SYN3: variants seen among roughly 807,000 people sequenced by gnomAD.
The protein encoded by SYN3 is synapsin-3.
Under a neutral mutation model 65.8 loss-of-function variants are expected in SYN3, and 35 were observed. The ratio of observed to expected loss-of-function variants is 0.53; its 90% confidence interval spans 0.41 to 0.70. The LOEUF is 0.70. Ranked by LOEUF, SYN3 falls within the 30% of genes least tolerant of loss-of-function variation. The pLI is 0.00. For synonymous variants in SYN3, 270 were observed against 292.9 expected (o/e 0.92, Z 0.80); for missense variants, 680 against 749.0 (o/e 0.91, Z 1.08).
At chr22:32,754,979 TC>T (rs1359796672) in intron 6 of SYN3, among the ~76,000 whole-genome samples, 1 of 152,032 alleles carries the variant, frequency 6.6e-6, no homozygotes, top group African/African-American at 2.4e-5. Context: ...TAACCTCTGC[TC>T]CCCCTGCAAG....
chr22:32,842,931 A>G (rs1253316818), intron 6 of SYN3, among the ~76,000 whole-genome samples: 1 of 152,176 alleles, frequency 6.6e-6, no homozygotes, highest in Non-Finnish European at 1.5e-5. Flanking sequence ...CTGGGAGCTT[A>G]TCAAGGGTCC....
intron 2 of SYN3, among the ~76,000 whole-genome samples, chr22:33,005,251 C>T (rs898318389): frequency 9.9e-5 from 15 of 152,156 alleles, no homozygotes; most frequent in Non-Finnish European, 1.6e-4. Flanking sequence ...CATGCACATG[C>T]GACCCTGTTC....
intron 6 of SYN3, among the ~76,000 whole-genome samples, chr22:32,618,050 T>C (rs1042569914): frequency 1.3e-5 from 2 of 152,114 alleles, no homozygotes; most frequent in Admixed American, 6.5e-5. Flanking sequence ...ATCACGCCTA[T>C]CTCAGTCCCT....
chr22:32,905,408 A>G (rs190468601), intron 4 of SYN3, among the ~76,000 whole-genome samples: 29 of 152,338 alleles, frequency 1.9e-4, no homozygotes, highest in African/African-American at 7.0e-4. Flanking sequence ...TAAGGCAAAG[A>G]GTCTGCATGG....
chr22:32,754,783 C>A (rs5998617), intron 6 of SYN3, among the ~76,000 whole-genome samples: 47,028 of 152,136 alleles, frequency 0.31, 8,055 homozygotes, highest in East Asian at 0.52. Context: ...GTAACATTGG[C>A]CAAACCCTTG....
At chr22:32,650,454 C>A (rs142914342) in intron 6 of SYN3, among the ~76,000 whole-genome samples, 2 of 151,962 alleles carry the variant, frequency 1.3e-5, no homozygotes, top group African/African-American at 4.8e-5. Flanking sequence ...TTTGTGGAGA[C>A]GGAGTTTCAC....
chr22:32,882,784 A>G (rs1003964790), intron 4 of SYN3, among the ~76,000 whole-genome samples: 7 of 152,112 alleles, frequency 4.6e-5, no homozygotes, highest in African/African-American at 1.7e-4. Context: ...TAGTGTGTTC[A>G]ACTATCTATG....
At chr22:33,019,979 A>G (rs1207054401) in intron 1 of SYN3, among the ~76,000 whole-genome samples, 1 of 152,258 alleles carries the variant, frequency 6.6e-6, no homozygotes, top group Non-Finnish European at 1.5e-5. Context: ...ATAATGAATG[A>G]TTATACAAAT....
chr22:32,954,839 A>G (rs1217946467), intron 3 of SYN3, among the ~76,000 whole-genome samples: 1 of 151,314 alleles, frequency 6.6e-6, no homozygotes, highest in African/African-American at 2.5e-5. Flanking sequence ...TATTTCTGTA[A>G]ATGTTTTTTT....
intron 7 of SYN3, among the ~76,000 whole-genome samples, chr22:32,575,779 C>G (rs924936844): frequency 6.6e-6 from 1 of 151,938 alleles, no homozygotes; most frequent in Non-Finnish European, 1.5e-5. Context: ...TGGGGAGATA[C>G]GGAAATGAAT....
intron 6 of SYN3, among the ~76,000 whole-genome samples, chr22:32,817,880 C>T (rs930183289): frequency 6.6e-6 from 1 of 152,154 alleles, no homozygotes; most frequent in African/African-American, 2.4e-5. Context: ...CACCCTGGTC[C>T]CCTGGTCGTC....
intron 6 of SYN3, among the ~76,000 whole-genome samples, chr22:32,826,257 C>G (rs952005672): frequency 2.6e-5 from 4 of 151,984 alleles, no homozygotes; most frequent in African/African-American, 9.7e-5. Flanking sequence ...GGTGAAACTC[C>G]ATCTCTACTA....
At chr22:32,788,597 A>G (rs796925887) in intron 6 of SYN3, among the ~76,000 whole-genome samples, 10 of 152,298 alleles carry the variant, frequency 6.6e-5, no homozygotes, top group African/African-American at 2.4e-4. Flanking sequence ...ACTACTTAGT[A>G]TTTACATTGT....
chr22:32,989,724 A>C (rs1386051622), intron 2 of SYN3, among the ~76,000 whole-genome samples: 4 of 150,232 alleles, frequency 2.7e-5, no homozygotes, highest in Non-Finnish European at 4.5e-5. Flanking sequence ...AATCCCAGCT[A>C]CTCGGGAGGC....
At chr22:32,599,306 G>A (rs561694926) in intron 6 of SYN3, among the ~76,000 whole-genome samples, 1 of 151,140 alleles carries the variant, frequency 6.6e-6, no homozygotes, top group Non-Finnish European at 1.5e-5. Context: ...TGCTTAGACA[G>A]CTGAAGCCCC....
At position 32,584,551 on chromosome 22, in the gene SYN3, T is replaced by C. The variant is rs77940880; in HGVS notation, c.774+12123A>G. On this transcript the variant is annotated intron_variant, in intron 7 of 13. Transcript: ENST00000358763. The stretch of plus-strand genomic sequence containing the variant: ...AAAGAAAAAAGGAAATCTTATTGCT[T>C]TTCAATGTCTGTCAGTTAAAAAAAA... Among the ~76,000 whole-genome samples, 824 of 152,286 alleles carry C rather than the reference T, an allele frequency of 5.4e-3. 17 individuals carry two copies. The East Asian group carries it at 0.076, about 14-fold the overall frequency.
intron 4 of SYN3, among the ~76,000 whole-genome samples, chr22:32,876,435 A>G (rs1307277341): frequency 6.6e-6 from 1 of 152,194 alleles, no homozygotes; most frequent in African/African-American, 2.4e-5. Context: ...CAGTTAAATC[A>G]TGTTCATATT....
chr22:32,860,861 T>C (rs1024440143), intron 6 of SYN3: 4 of 151,998 alleles, frequency 2.6e-5, no homozygotes, highest in East Asian at 1.9e-4. Flanking sequence ...ATTAAAATTG[T>C]TGGTCACTGG....
chr22:32,879,275 T>C (rs2146405068), intron 4 of SYN3, among the ~76,000 whole-genome samples: 1 of 152,358 alleles, frequency 6.6e-6, no homozygotes, highest in East Asian at 1.9e-4. Flanking sequence ...ATTCCATTTA[T>C]TTAACAAAAA....
Sources: gnomAD v4.1 joint callset for allele counts (sites outside exome capture counted in the v4.1 genomes callset) on GRCh38, gnomAD v4.1.1 for gene constraint, MANE v1.5 for transcripts, NCBI Gene and HGNC (gene_info 2026-07-23, HGNC 2026-07-21) for gene names.